Variants in TUT4 observed in about 807,000 individuals in gnomAD.
The protein encoded by TUT4 is terminal uridylyltransferase 4.
TUT4 carries 36 observed loss-of-function variants against 192.2 expected under a neutral mutation model. That is an observed-to-expected ratio of 0.19 (90% CI 0.14 to 0.25). The LOEUF (loss-of-function observed/expected upper bound fraction) is 0.25, where lower values mean the gene tolerates loss of function less well. Among genes scored for constraint, TUT4 ranks in the 10% least tolerant of loss-of-function variants. The probability of loss-of-function intolerance (pLI) is 1.00; values close to 1 mark genes in which losing one functional copy is unlikely to be tolerated. For synonymous variants in TUT4, 618 were observed against 666.0 expected (o/e 0.93, Z 1.11); for missense variants, 1,493 against 1,957.2 (o/e 0.76, Z 4.47).
At position 52,431,075 on chromosome 1, in the gene TUT4, C is replaced by G; in HGVS notation, c.4649G>C (p.Gly1550Ala). 6 of 1,613,740 alleles carry G rather than the reference C, an allele frequency of 3.7e-6. No homozygotes were observed. Among genetic ancestry groups the G allele is most frequent in the Non-Finnish European group, 5.1e-6 (6 of 1,179,724 alleles). ...TGGAGCCACAGTACGGGGCCAGTGTCCATCGTGAGACGTGTTAGGGATTGC... is the reference window on the plus strand; with the variant it reads ...TGGAGCCACAGTACGGGGCCAGTGTGCATCGTGAGACGTGTTAGGGATTGC... Reference protein sequence around the residue: ...PVAIPNTSHDGHWPRTVAPNS... With the variant: ...PVAIPNTSHDAHWPRTVAPNS... Residue 1550 changes from glycine (G) to alanine (A), a missense_variant, in exon 28 of 30, where the codon GGA becomes GCA. By Grantham distance (60) the Gly-to-Ala change is moderately conservative (BLOSUM62 0). This residue lies in a region of TUT4 where 351 missense variants were observed against 397.8 expected (regional missense o/e 0.88). Transcript: ENST00000257177.
At chr1:52,472,183 T>C in intron 13 of TUT4, 81 bp from the exon 14 acceptor site, 2 of 1,316,396 alleles carry the variant, frequency 1.5e-6, no homozygotes, top group Non-Finnish European at 2.1e-6. Flanking sequence ...AAAACAAATC[T>C]TTTATGTAAC....
chr1:52,427,540 CAG>C (rs1261165757), intron 28 of TUT4, among the ~76,000 whole-genome samples: 3 of 152,338 alleles, frequency 2.0e-5, no homozygotes. Context: ...TTCTATAACT[CAG>C]TGACTATCAC....
At chr1:52,440,394 G>T (rs1028780529) in intron 24 of TUT4, among the ~76,000 whole-genome samples, 16 of 146,206 alleles carry the variant, frequency 1.1e-4, no homozygotes, top group Non-Finnish European at 1.0e-4. Context: ...GCCTTCCAAA[G>T]TAATAGATTA....
At chr1:52,507,285 G>A (rs909293044) in intron 4 of TUT4, among the ~76,000 whole-genome samples, 2 of 152,192 alleles carry the variant, frequency 1.3e-5, no homozygotes, top group Non-Finnish European at 2.9e-5. Flanking sequence ...ACTGTCCTGT[G>A]AATTTTAGCT....
intron 4 of TUT4, among the ~76,000 whole-genome samples, chr1:52,507,635 T>C (rs1675971803): frequency 6.6e-6 from 1 of 152,110 alleles, no homozygotes; most frequent in Non-Finnish European, 1.5e-5. Context: ...AATCTGAAAA[T>C]CCAAAATGTG....
intron 4 of TUT4, among the ~76,000 whole-genome samples, chr1:52,502,969 C>T (rs911113403): frequency 1.3e-5 from 2 of 152,138 alleles, no homozygotes; most frequent in Admixed American, 6.5e-5. Context: ...CAACAACTAT[C>T]ATTTATTGAG....
chr1:52,490,697 GT>G (rs778014238), intron 8 of TUT4, 34 bp downstream of exon 8: 5 of 1,564,190 alleles, frequency 3.2e-6, no homozygotes, highest in Middle Eastern at 1.7e-4. Flanking sequence ...GTTGGGGTTT[GT>G]TTTTTTAAAT....
At position 52,423,713 on chromosome 1, in the gene TUT4, A is replaced by G. The variant is rs773412595; in HGVS notation, c.*222T>C. On this transcript the variant is annotated 3_prime_UTR_variant, in exon 30 of 30. Transcript: ENST00000257177. The stretch of plus-strand genomic sequence containing the variant: ...GATACTAGTAAAAACTATAGTTCAT[A>G]TTTATATACAAATAATACAGTCTGT... 6 of 1,074,172 alleles carry G rather than the reference A, an allele frequency of 5.6e-6. No individual in the cohort carries two copies. Among genetic ancestry groups the G allele is most frequent in the Non-Finnish European group, 7.8e-6 (6 of 772,362 alleles). 66.5% of individuals were successfully genotyped at this position (1,074,172 alleles called of 1,614,324 possible).
intron 20 of TUT4, among the ~76,000 whole-genome samples, chr1:52,451,058 G>A (rs762131027): frequency 5.3e-5 from 8 of 152,160 alleles, no homozygotes; most frequent in Admixed American, 1.3e-4. Flanking sequence ...AAGGTCAGGA[G>A]ATCGAGACCA....
In TUT4 at chr1:52,455,607, T is replaced by TGA. The variant is rs758287639; in HGVS notation, c.3435+2728_3435+2729insTC. Among the ~76,000 whole-genome samples, 15 of 40,562 alleles carry TGA rather than the reference T, an allele frequency of 3.7e-4. No homozygotes were observed. In the South Asian group the frequency reaches 8.2e-3, roughly 22 times the overall value. 26.6% of individuals were successfully genotyped at this position (40,562 alleles called of 152,430 possible). On this transcript the variant is annotated intron_variant, in intron 20 of 29. Coordinates refer to ENST00000257177, the MANE Select transcript of TUT4 (RefSeq NM_001009881.3). ...AGCAACAGGAGTGAGACGCTACCTT[T>TGA]AAAAAAAAAAAAAAAAAAAAAAAGA...
intron 4 of TUT4, among the ~76,000 whole-genome samples, chr1:52,507,739 A>C (rs561990842): frequency 6.6e-6 from 1 of 152,324 alleles, no homozygotes; most frequent in East Asian, 1.9e-4. Flanking sequence ...AAATCTGAAA[A>C]AATCCAAAAT....
intron 4 of TUT4, among the ~76,000 whole-genome samples, chr1:52,503,709 A>C (rs1674777458): frequency 6.6e-6 from 1 of 152,168 alleles, no homozygotes; most frequent in African/African-American, 2.4e-5. Context: ...ACCAAATCAG[A>C]CATCTTTTAA....
At position 52,423,845 on chromosome 1, in the gene TUT4, A is replaced by T; in HGVS notation, c.*90T>A. 6.4e-7 allele frequency: 1 copy of T among 1,564,700 alleles called. No homozygotes were observed. The highest frequency in any genetic ancestry group is 8.7e-7 in the Non-Finnish European group (1 of 1,154,866). ...AAATGTCACTTTTTCTGCTGAATGT[A>T]ACTGACATTGAGGTACGGATACCCT... is the stretch of plus-strand genomic sequence containing the variant. On this transcript the variant is annotated 3_prime_UTR_variant, in exon 30 of 30. Transcript: ENST00000257177.
chr1:52,437,138 G>A, intron 25 of TUT4, 160 bp from the exon 26 acceptor site: 2 of 941,512 alleles, frequency 2.1e-6, no homozygotes, highest in Non-Finnish European at 3.0e-6. Context: ...TGCTCATTTG[G>A]CAGGAACTCG....
chr1:52,502,219 G>C (rs1346898101), intron 4 of TUT4, among the ~76,000 whole-genome samples: 1 of 151,318 alleles, frequency 6.6e-6, no homozygotes, highest in Non-Finnish European at 1.5e-5. Context: ...AAGCATTTTG[G>C]TCTCAATTTG....
chr1:52,507,372 C>T (rs559524238), intron 4 of TUT4, among the ~76,000 whole-genome samples: 6 of 152,306 alleles, frequency 3.9e-5, no homozygotes, highest in African/African-American at 1.4e-4. Flanking sequence ...TATAGTGCAA[C>T]CTAGAAACTC....
intron 4 of TUT4, among the ~76,000 whole-genome samples, chr1:52,498,483 G>C (rs1380680147): frequency 6.6e-6 from 1 of 151,794 alleles, no homozygotes. Context: ...TGACCTCGTG[G>C]TCCACCCACC....
intron 2 of TUT4, among the ~76,000 whole-genome samples, chr1:52,522,461 C>A (rs1211002631): frequency 1.3e-5 from 2 of 152,204 alleles, no homozygotes; most frequent in African/African-American, 4.8e-5. Flanking sequence ...TAGGCAGCAG[C>A]ATCTCCACTT....
intron 18 of TUT4, 107 bp downstream of exon 18, chr1:52,461,406 T>C (rs1391643652): frequency 1.1e-5 from 13 of 1,227,738 alleles, no homozygotes; most frequent in Non-Finnish European, 1.5e-5. Context: ...ACTAGTAAAA[T>C]ACTTTTTCCT....
Sources: gnomAD v4.1 joint callset for allele counts (sites outside exome capture counted in the v4.1 genomes callset) on GRCh38, gnomAD v4.1.1 for gene constraint, gnomAD v4.1.1 regional missense constraint, MANE v1.5 for transcripts, NCBI Gene and HGNC (gene_info 2026-07-23, HGNC 2026-07-21) for gene names.